Variants in ITPR1 observed in about 807,000 individuals in gnomAD.
ITPR1 encodes inositol 1,4,5-trisphosphate receptor type 1.
ITPR1 carries 96 observed loss-of-function variants against 318.4 expected under a neutral mutation model. That is an observed-to-expected ratio of 0.30 (90% CI 0.26 to 0.36). ITPR1 has a LOEUF of 0.36. Among genes scored for constraint, ITPR1 ranks in the 10% least tolerant of loss-of-function variants. ITPR1 has a pLI of 1.00. For synonymous variants in ITPR1, 1,312 were observed against 1,289.9 expected, an observed-to-expected ratio of 1.02 and a Z score of -0.37; for missense variants, 2,440 against 3,460.2, an observed-to-expected ratio of 0.71 and a Z score of 7.40.
intron 4 of ITPR1, among the ~76,000 whole-genome samples, chr3:4,546,358 G>A (rs2084997972): frequency 6.6e-6 from 1 of 152,140 alleles, no homozygotes; most frequent in African/African-American, 2.4e-5. Flanking sequence ...TCACAACTTT[G>A]TGAAGTTGGT....
intron 4 of ITPR1, among the ~76,000 whole-genome samples, chr3:4,528,086 A>G (rs1441904029): frequency 6.6e-6 from 1 of 152,186 alleles, no homozygotes; most frequent in Non-Finnish European, 1.5e-5. Context: ...TAGGGGAAAG[A>G]GCAACCTCTG....
intron 8 of ITPR1, among the ~76,000 whole-genome samples, chr3:4,644,878 A>C (rs2093420445): frequency 6.6e-6 from 1 of 151,990 alleles, no homozygotes; most frequent in Non-Finnish European, 1.5e-5. Flanking sequence ...GGTCGGACCT[A>C]TTTTTCAGGG....
intron 42 of ITPR1, among the ~76,000 whole-genome samples, chr3:4,732,162 T>C (rs2042971304): frequency 6.6e-6 from 1 of 152,134 alleles, no homozygotes; most frequent in South Asian, 2.1e-4. Context: ...GAACGCATGC[T>C]GCCTCTGGTT....
intron 61 of ITPR1, among the ~76,000 whole-genome samples, chr3:4,837,151 G>T (rs1458601831): frequency 2.0e-5 from 3 of 151,980 alleles, no homozygotes; most frequent in Non-Finnish European, 2.9e-5. Flanking sequence ...GCTACTTTCA[G>T]TGCTGCTCAG....
chr3:4,626,184 CTGTGTG>C (rs36079707), intron 4 of ITPR1, among the ~76,000 whole-genome samples: 1 of 147,828 alleles, frequency 6.8e-6, no homozygotes, highest in Non-Finnish European at 1.5e-5. Flanking sequence ...CCTAAACTTT[CTGTGTG>C]TGTGTGTGTG....
At chr3:4,625,590 T>C (rs2092797360) in intron 4 of ITPR1, among the ~76,000 whole-genome samples, 2 of 152,354 alleles carry the variant, frequency 1.3e-5, no homozygotes, top group Admixed American at 6.5e-5. Flanking sequence ...AGAGTCTGGC[T>C]CTGTCGCCCA....
chr3:4,770,832 T>C (rs552264670), intron 46 of ITPR1, among the ~76,000 whole-genome samples: 12 of 152,320 alleles, frequency 7.9e-5, no homozygotes, highest in African/African-American at 2.9e-4. Flanking sequence ...CACTGGCTGA[T>C]AACCTCTATC....
chr3:4,583,125 C>T, intron 4 of ITPR1, among the ~76,000 whole-genome samples: 1 of 152,156 alleles, frequency 6.6e-6, no homozygotes, highest in Non-Finnish European at 1.5e-5. Flanking sequence ...TAAGGGAGAT[C>T]TGCTACAACA....
intron 35 of ITPR1, among the ~76,000 whole-genome samples, chr3:4,700,779 G>C (rs2094636107): frequency 6.6e-6 from 1 of 152,174 alleles, no homozygotes; most frequent in Non-Finnish European, 1.5e-5. Context: ...GAAGAAAAAG[G>C]TTTAGTGGAC....
At chr3:4,512,256 G>C (rs145685772) in intron 2 of ITPR1, among the ~76,000 whole-genome samples, 1 of 152,168 alleles carries the variant, frequency 6.6e-6, no homozygotes, top group Admixed American at 6.5e-5. Flanking sequence ...ATGAGCCACC[G>C]TGCCTGGTTT....
chr3:4,512,989 C>T (rs369216819), intron 2 of ITPR1, among the ~76,000 whole-genome samples: 2 of 152,124 alleles, frequency 1.3e-5, no homozygotes, highest in South Asian at 2.1e-4. Context: ...TTTGAAGTTC[C>T]GCAGCTCCGT....
At chr3:4,601,380 A>G (rs945340150) in intron 4 of ITPR1, among the ~76,000 whole-genome samples, 4 of 151,544 alleles carry the variant, frequency 2.6e-5, no homozygotes, top group African/African-American at 9.7e-5. Context: ...TTAGCCAGGC[A>G]TGGTTGCATA....
At chr3:4,756,678 G>GT (rs1464009725) in intron 44 of ITPR1, among the ~76,000 whole-genome samples, 1 of 151,662 alleles carries the variant, frequency 6.6e-6, no homozygotes, top group Non-Finnish European at 1.5e-5. Context: ...TTTTCATGCC[G>GT]TCCAAACTTA....
At position 4,767,740 on chromosome 3, in the gene ITPR1, T is replaced by A. The variant is rs149140547; in HGVS notation, c.5726-771T>A. ...ATGGAATCTCACTATGTTGCCCAAGTTGGTCTAAAACTTCTGGCCTCAAGT... is the reference window on the plus strand; with the variant it reads ...ATGGAATCTCACTATGTTGCCCAAGATGGTCTAAAACTTCTGGCCTCAAGT... On this transcript the variant is annotated intron_variant, in intron 45 of 61. Transcript: ENST00000649015. Among the ~76,000 whole-genome samples the A allele has an allele frequency of 1.2e-3, 182 of 152,296 alleles. 3 individuals are homozygous for A. The highest frequency in any genetic ancestry group is 4.3e-3 in the African/African-American group (177 of 41,550).
intron 4 of ITPR1, among the ~76,000 whole-genome samples, chr3:4,618,736 A>G (rs1293537450): frequency 6.6e-6 from 1 of 152,138 alleles, no homozygotes; most frequent in East Asian, 1.9e-4. Flanking sequence ...TCCCTGGAGC[A>G]CTTTGCCTCT....
chr3:4,796,018 A>G (rs1490497367), intron 53 of ITPR1, among the ~76,000 whole-genome samples: 2 of 152,156 alleles, frequency 1.3e-5, no homozygotes, highest in East Asian at 3.9e-4. Flanking sequence ...GCCAGGAACC[A>G]CCTTATGTGA....
chr3:4,776,076 T>C (rs2046465303), intron 47 of ITPR1, among the ~76,000 whole-genome samples: 1 of 152,158 alleles, frequency 6.6e-6, no homozygotes, highest in Non-Finnish European at 1.5e-5. Flanking sequence ...TTGAGTATGA[T>C]GTTTTGTTTG....
At chr3:4,658,319 G>A (rs955502704) in intron 13 of ITPR1, 41 bp downstream of exon 13, 2 of 1,547,994 alleles carry the variant, frequency 1.3e-6, no homozygotes, top group African/African-American at 1.4e-5. Flanking sequence ...AATCAGGCCT[G>A]GTGTAGGTGG....
Position 4,846,300 on chromosome 3 carries a change from C to A in ITPR1, c.*75C>A. ...TGGGTATGGCTAATGAGTTCTGATTCACCCACGAAGGTTACATTTATGCTG... is the reference window on the plus strand; with the variant it reads ...TGGGTATGGCTAATGAGTTCTGATTAACCCACGAAGGTTACATTTATGCTG... On this transcript the variant is annotated 3_prime_UTR_variant, in exon 62 of 62. Transcript: ENST00000649015. The A allele has an allele frequency of 2.0e-6, 2 of 978,558 alleles. No individual in the cohort carries two copies. The highest frequency in any genetic ancestry group is 1.5e-5 in the South Asian group (1 of 68,554). 60.6% of individuals were successfully genotyped at this position (978,558 alleles called of 1,614,324 possible).
Sources: allele counts gnomAD v4.1 joint callset (sites outside exome capture counted in the v4.1 genomes callset), GRCh38; gene constraint gnomAD v4.1.1; transcripts MANE v1.5; gene names NCBI Gene and HGNC (gene_info 2026-07-23, HGNC 2026-07-21).